The following ARFGEF2 variants were observed in gnomAD, a reference collection of about 807,000 sequenced individuals.
ARFGEF2 encodes brefeldin A-inhibited guanine nucleotide-exchange protein 2.
Under a neutral mutation model 219.9 loss-of-function variants are expected in ARFGEF2, and 74 were observed. The observed-to-expected ratio is 0.34, with a 90% CI of 0.28 to 0.41. The LOEUF is 0.41. ARFGEF2 is among the 10% of genes least tolerant of loss of function. The pLI is 1.00. For synonymous variants in ARFGEF2, 733 were observed against 799.2 expected, an observed-to-expected ratio of 0.92 and a Z score of 1.40; for missense variants, 1,743 against 2,218.3, an observed-to-expected ratio of 0.79 and a Z score of 4.30.
At chr20:48,930,820 A>C (rs2090908701) in intron 1 of ARFGEF2, among the ~76,000 whole-genome samples, 1 of 152,206 alleles carries the variant, frequency 6.6e-6, no homozygotes, top group African/African-American at 2.4e-5. Flanking sequence ...GACGGTATAC[A>C]GAGGGAGAGG....
intron 1 of ARFGEF2, among the ~76,000 whole-genome samples, chr20:48,930,899 G>A (rs1176066453): frequency 1.3e-5 from 2 of 152,312 alleles, no homozygotes; most frequent in East Asian, 1.9e-4. Context: ...GTCTGCAGAC[G>A]AAATAGAGCA....
chr20:48,988,213 G>C (rs1349300675), intron 16 of ARFGEF2, 91 bp from the exon 17 acceptor site: 8 of 917,278 alleles, frequency 8.7e-6, no homozygotes, highest in Non-Finnish European at 1.2e-5. Context: ...GGAGTAGTCG[G>C]CTGCTTTTCT....
Position 49,034,769 on chromosome 20 carries a change from CTTAAG to C in ARFGEF2, c.*1573_*1577del, listed in dbSNP as rs1456289302. 1 of 152,096 alleles carries C rather than the reference CTTAAG, an allele frequency of 6.6e-6. No homozygotes were observed. The highest frequency in any genetic ancestry group is 1.5e-5 in the Non-Finnish European group (1 of 68,006). 9.4% of individuals were successfully genotyped at this position (152,096 alleles called of 1,614,324 possible). On this transcript the variant is annotated 3_prime_UTR_variant, in exon 39 of 39. Coordinates refer to ENST00000371917, the MANE Select transcript of ARFGEF2 (RefSeq NM_006420.3). Reference sequence around the variant, plus strand: ...TTTTGCTTACTAAGAGACCGATATTCTTAAGTTGTTTTCTTGTTTTAACAGCCTTG... The same window carrying C: ...TTTTGCTTACTAAGAGACCGATATTCTTGTTTTCTTGTTTTAACAGCCTTG...
In ARFGEF2 at chr20:48,985,449, C is replaced by G; in HGVS notation, c.2112C>G (p.Asn704Lys). ...TTCTGGGAGATAGCGCAAGGTTCAA[C>G]AAGGAGGTGATGTATGCCTACGTGG... ...GDFLGDSARFNKEVMYAYVDQ... is the reference protein window; with the variant it reads ...GDFLGDSARFKKEVMYAYVDQ... Residue 704 changes from asparagine (N) to lysine (K), a missense_variant, in exon 16 of 39, where the codon AAC (asparagine) becomes AAG (lysine). Physicochemically the swap from Asn to Lys is moderately conservative, Grantham distance 94. Coordinates refer to ENST00000371917, the MANE Select transcript of ARFGEF2 (RefSeq NM_006420.3). 1.9e-6 allele frequency: 3 copies of G among 1,614,128 alleles called. No individual in the cohort carries two copies. In the South Asian group the frequency reaches 3.3e-5, roughly 18 times the overall value.
intron 25 of ARFGEF2, among the ~76,000 whole-genome samples, chr20:49,002,712 A>G (rs1344234819): frequency 6.6e-6 from 1 of 151,642 alleles, no homozygotes; most frequent in East Asian, 1.9e-4. Flanking sequence ...GCCAGGTTCA[A>G]GCAATTCTCT....
At chr20:48,922,487 C>T (rs1040628181) in intron 1 of ARFGEF2, among the ~76,000 whole-genome samples, 6 of 152,186 alleles carry the variant, frequency 3.9e-5, no homozygotes, top group Admixed American at 1.3e-4. Context: ...GGGGATCTCC[C>T]ATAGCTCTTT....
chr20:48,968,070 T>C (rs540114271), intron 8 of ARFGEF2, among the ~76,000 whole-genome samples: 1 of 152,314 alleles, frequency 6.6e-6, no homozygotes, highest in African/African-American at 2.4e-5. Flanking sequence ...CTTGGCTCAC[T>C]GCAAGCTCTG....
intron 31 of ARFGEF2, 125 bp downstream of exon 31, chr20:49,016,540 G>C: frequency 2.7e-6 from 3 of 1,114,932 alleles, no homozygotes; most frequent in Non-Finnish European, 3.9e-6. Context: ...TTGGTGAAAT[G>C]TATACGTTTT....
chr20:49,028,755 A>G, intron 37 of ARFGEF2, 87 bp downstream of exon 37: 1 of 1,453,338 alleles, frequency 6.9e-7, no homozygotes, highest in Middle Eastern at 1.8e-4. Context: ...GAGTAAGAGA[A>G]AAATACATGC....
At chr20:48,924,418 A>G (rs899927947) in intron 1 of ARFGEF2, among the ~76,000 whole-genome samples, 3 of 149,922 alleles carry the variant, frequency 2.0e-5, no homozygotes. Context: ...AGGCTGAGGC[A>G]GGAGAATGGC....
intron 3 of ARFGEF2, among the ~76,000 whole-genome samples, chr20:48,943,050 AC>A (rs1162446187): frequency 3.9e-5 from 6 of 152,248 alleles, no homozygotes; most frequent in Admixed American, 3.9e-4. Context: ...ACTGGAAAGC[AC>A]ATCAGCACAC....
rs554987661 is a variant in ARFGEF2, at chr20:48,935,533, T to G, written c.122-5666T>G. 2.0e-4 allele frequency among the ~76,000 whole-genome samples: 31 copies of G among 152,314 alleles called. No individual in the cohort carries two copies. In the South Asian group the frequency reaches 2.9e-3, roughly 14 times the overall value. ...CGGCAACCATCCGATTTCTCAATCT[T>G]TTCCCCACCTTTCCCCCCTTTCTAT... On this transcript the variant is annotated intron_variant, in intron 1 of 38. Transcript: ENST00000371917.
chr20:48,968,029 T>C (rs2091199621), intron 8 of ARFGEF2, among the ~76,000 whole-genome samples: 3 of 152,244 alleles, frequency 2.0e-5, no homozygotes, highest in Non-Finnish European at 4.4e-5. Flanking sequence ...AGTCTCGCTC[T>C]GTTGCCCAGG....
chr20:48,966,157 C>A (rs1425603185), intron 8 of ARFGEF2, 134 bp downstream of exon 8: 3 of 1,123,296 alleles, frequency 2.7e-6, no homozygotes, highest in Non-Finnish European at 3.9e-6. Flanking sequence ...CAGTCCTGGG[C>A]TGATATTCTT....
At chr20:48,981,081 G>A (rs191107619) in intron 14 of ARFGEF2, among the ~76,000 whole-genome samples, 309 of 152,252 alleles carry the variant, frequency 2.0e-3, no homozygotes, top group African/African-American at 7.2e-3. Context: ...AGCATCGATG[G>A]TCTTTACAAT....
intron 7 of ARFGEF2, among the ~76,000 whole-genome samples, chr20:48,964,189 A>G (rs1401446842): frequency 6.6e-6 from 1 of 152,160 alleles, no homozygotes; most frequent in Admixed American, 6.6e-5. Context: ...CGGGCGGTTC[A>G]CGAGGTCAGG....
chr20:48,962,499 A>G (rs2091159852), intron 6 of ARFGEF2, among the ~76,000 whole-genome samples: 1 of 152,166 alleles, frequency 6.6e-6, no homozygotes, highest in Non-Finnish European at 1.5e-5. Context: ...AATAATATAT[A>G]ATATTATAGT....
At chr20:48,954,021 G>A (rs112556018) in intron 6 of ARFGEF2, among the ~76,000 whole-genome samples, 104 of 152,356 alleles carry the variant, frequency 6.8e-4, no homozygotes, top group African/African-American at 2.4e-3. Flanking sequence ...GATGTATCTA[G>A]CTGCTACTTC....
chr20:48,972,286 A>T (rs1427727003), intron 10 of ARFGEF2, 40 bp from the exon 11 acceptor site: 1 of 1,455,214 alleles, frequency 6.9e-7, no homozygotes, highest in East Asian at 2.3e-5. Flanking sequence ...CCTGGTTGAA[A>T]CTGTTAATTA....
Sources: gnomAD v4.1 joint callset for allele counts (sites outside exome capture counted in the v4.1 genomes callset) on GRCh38, gnomAD v4.1.1 for gene constraint, MANE v1.5 for transcripts, NCBI Gene and HGNC (gene_info 2026-07-23, HGNC 2026-07-21) for gene names.